SYNPR: variants seen among roughly 807,000 people sequenced by gnomAD.
SYNPR encodes synaptoporin.
A neutral mutation model predicts 32.9 loss-of-function variants in SYNPR; 23 were observed. The observed-to-expected ratio is 0.70, with a 90% CI of 0.50 to 0.99. SYNPR has a LOEUF of 0.99. Ranked by LOEUF, SYNPR falls within the 50% of genes least tolerant of loss-of-function variation. SYNPR has a pLI of 0.00. For synonymous variants in SYNPR, 146 were observed against 135.9 expected, an observed-to-expected ratio of 1.07 and a Z score of -0.52; for missense variants, 318 against 349.3, an observed-to-expected ratio of 0.91 and a Z score of 0.71.
intron 3 of SYNPR, among the ~76,000 whole-genome samples, chr3:63,528,428 A>G (rs1702054935): frequency 6.6e-6 from 1 of 152,084 alleles, no homozygotes; most frequent in Non-Finnish European, 1.5e-5. Context: ...TTGATGGAGC[A>G]TCTCAAGAGA....
chr3:63,358,452 G>A (rs1431745695), intron 2 of SYNPR, among the ~76,000 whole-genome samples: 3 of 152,146 alleles, frequency 2.0e-5, no homozygotes, highest in Non-Finnish European at 4.4e-5. Context: ...AAGGACAGGT[G>A]ATAACATTGA....
At chr3:63,217,722 C>A in the SYNPR span, among the ~76,000 whole-genome samples, 23 of 152,116 alleles carry the variant, frequency 1.5e-4, 1 homozygote, top group Admixed American at 1.5e-3. Flanking sequence ...TTCCTTGAAT[C>A]TTTCTTTAGT....
rs11709909 is a variant in SYNPR at position 63,549,733 on chromosome 3, G to A, written c.210-6810G>A. ...TAATATTACTCCAGACCCTACAAAC[G>A]TAACTAAAAACTATGGGGACTCAAT... On this transcript the variant is annotated intron_variant, in intron 3 of 5. Transcript: ENST00000478300. Among the ~76,000 whole-genome samples the A allele has an allele frequency of 4.7e-3, 715 of 152,156 alleles. 4 individuals are homozygous for A. Among genetic ancestry groups the A allele is most frequent in the Middle Eastern group, 0.01 (3 of 294 alleles).
intron 2 of SYNPR, among the ~76,000 whole-genome samples, chr3:63,342,014 T>C (rs1011302727): frequency 1.3e-5 from 2 of 152,222 alleles, no homozygotes; most frequent in African/African-American, 4.8e-5. Context: ...AGATGTATGA[T>C]CCATTTTAAT....
Position 63,360,214 on chromosome 3 carries a change from G to A in SYNPR, c.84+81472G>A, listed in dbSNP as rs538391659. Reference sequence around the variant, plus strand: ...CCCAGTTATTGTAGCCCAAAATCTCGGAGACATCTTCACTCTCTTTTTCTC... The same window carrying A: ...CCCAGTTATTGTAGCCCAAAATCTCAGAGACATCTTCACTCTCTTTTTCTC... On this transcript the variant is annotated intron_variant, in intron 2 of 5. Transcript: ENST00000478300. 2.4e-4 allele frequency among the ~76,000 whole-genome samples: 37 copies of A among 152,126 alleles called. 1 individual carries two copies. The East Asian group carries it at 3.3e-3, about 14-fold the overall frequency.
intron 3 of SYNPR, among the ~76,000 whole-genome samples, chr3:63,548,531 A>T (rs959852200): frequency 1.3e-5 from 2 of 152,222 alleles, no homozygotes; most frequent in African/African-American, 4.8e-5. Flanking sequence ...TATTACACAC[A>T]TACACATACA....
At chr3:63,242,812 T>C (rs1248211418) in intron 1 of SYNPR, among the ~76,000 whole-genome samples, 1 of 152,076 alleles carries the variant, frequency 6.6e-6, no homozygotes, top group African/African-American at 2.4e-5. Context: ...ATTTTTAAGA[T>C]GTTTAAATAG....
intron 2 of SYNPR, among the ~76,000 whole-genome samples, chr3:63,396,040 C>T (rs907168099): frequency 2.6e-5 from 4 of 152,092 alleles, no homozygotes; most frequent in African/African-American, 9.7e-5. Context: ...TAATAATAAC[C>T]ACACAGGCAC....
rs536558201 is a variant in SYNPR at position 63,241,647 on chromosome 3, C to G, written n.67-10852C>G. On this transcript the variant is annotated intron_variant and non_coding_transcript_variant, in intron 1 of 4. Transcript: ENST00000478456. ...ATTAAAGTTGTTACGCCTGGAACTG[C>G]TACAATCATCTCATAAGTGTAAGAG... 2.0e-5 allele frequency among the ~76,000 whole-genome samples: 3 copies of G among 152,042 alleles called. No individual in the cohort carries two copies. The East Asian group carries it at 5.8e-4, about 29-fold the overall frequency.
intron 4 of SYNPR, among the ~76,000 whole-genome samples, chr3:63,575,263 C>T (rs542681972): frequency 2.0e-4 from 31 of 152,148 alleles, no homozygotes; most frequent in Admixed American, 1.5e-3. Flanking sequence ...TTCTTTATTC[C>T]AGGCCCTCGT....
At chr3:63,583,609 C>A (rs1199415764) in intron 4 of SYNPR, among the ~76,000 whole-genome samples, 2 of 152,008 alleles carry the variant, frequency 1.3e-5, no homozygotes, top group Admixed American at 6.6e-5. Context: ...TATTTTTGAG[C>A]TTGGAACTGC....
chr3:63,349,716 T>C (rs1206046937), intron 2 of SYNPR, among the ~76,000 whole-genome samples: 1 of 152,148 alleles, frequency 6.6e-6, no homozygotes, highest in Admixed American at 6.5e-5. Context: ...TCTTTAGGGT[T>C]TTCTGTTATC....
At chr3:63,455,993 G>A (rs140226106) in intron 2 of SYNPR, among the ~76,000 whole-genome samples, 84 of 152,192 alleles carry the variant, frequency 5.5e-4, no homozygotes, top group African/African-American at 1.9e-3. Flanking sequence ...TGGCTGGGGA[G>A]GCCTCACAAT....
At chr3:63,420,126 G>C (rs2088589072) in intron 2 of SYNPR, among the ~76,000 whole-genome samples, 1 of 152,094 alleles carries the variant, frequency 6.6e-6, no homozygotes, top group Admixed American at 6.5e-5. Flanking sequence ...ATTCAATATT[G>C]TAAAGATGCA....
At chr3:63,216,935 C>G in the SYNPR span, among the ~76,000 whole-genome samples, 3 of 33,636 alleles carry the variant, frequency 8.9e-5, 1 homozygote, top group African/African-American at 3.1e-4. Context: ...ACAGACAGGA[C>G]CCTCAGCTGC....
intron 1 of SYNPR, among the ~76,000 whole-genome samples, chr3:63,242,855 A>C (rs2086258463): frequency 6.6e-6 from 1 of 152,134 alleles, no homozygotes; most frequent in South Asian, 2.1e-4. Context: ...TAAAACAAGC[A>C]CAAAACAGTA....
At position 63,458,689 on chromosome 3, in the gene SYNPR, C is replaced by G. The variant is rs79897182; in HGVS notation, c.85-22143C>G. ...ATTCCACTTCTTGGCAGGAGTTGCT[C>G]CAAAGTATTACAATTATTTTTACAA... On this transcript the variant is annotated intron_variant, in intron 2 of 5. Transcript: ENST00000478300. Among the ~76,000 whole-genome samples the G allele has an allele frequency of 8.4e-3, 1,283 of 152,150 alleles. 56 individuals carry two copies. The East Asian group carries it at 0.13, about 16-fold the overall frequency.
chr3:63,476,120 AG>A (rs1700899023), intron 2 of SYNPR, among the ~76,000 whole-genome samples: 1 of 30,172 alleles, frequency 3.3e-5, no homozygotes, highest in Admixed American at 2.6e-4. Context: ...GGAGGAAGGA[AG>A]GAAGGAAGGA....
intron 2 of SYNPR, among the ~76,000 whole-genome samples, chr3:63,370,640 A>G (rs779013895): frequency 1.3e-5 from 2 of 152,204 alleles, no homozygotes; most frequent in Non-Finnish European, 2.9e-5. Flanking sequence ...GGAAATTTTT[A>G]GTCTGGGGGC....
Sources: gnomAD v4.1 joint callset for allele counts (sites outside exome capture counted in the v4.1 genomes callset) on GRCh38, gnomAD v4.1.1 for gene constraint, MANE v1.5 for transcripts, NCBI Gene and HGNC (gene_info 2026-07-23, HGNC 2026-07-21) for gene names.